Variants in SLC30A3 observed in about 807,000 individuals in gnomAD.
SLC30A3 encodes the protein solute carrier family 30 member 3.
Under a neutral mutation model 35.6 loss-of-function variants are expected in SLC30A3, and 20 were observed. The observed-to-expected ratio is 0.56, with a 90% CI of 0.39 to 0.82. The LOEUF is 0.82. Among genes scored for constraint, SLC30A3 ranks in the 40% least tolerant of loss-of-function variants. SLC30A3 has a pLI of 0.00. For missense variants in SLC30A3, 401 were observed against 530.6 expected, an observed-to-expected ratio of 0.76 and a Z score of 2.40; for synonymous variants, 217 against 224.7, an observed-to-expected ratio of 0.97 and a Z score of 0.31.
rs769416705 is a variant in SLC30A3, at chr2:27,255,509, A to C, written c.1019-49T>G. 1 of 1,596,478 alleles carries C rather than the reference A, an allele frequency of 6.3e-7. No individual in the cohort carries two copies. The highest frequency in any genetic ancestry group is 1.1e-5 in the South Asian group (1 of 88,250). On this transcript the variant is annotated intron_variant, in intron 7 of 7. Coordinates refer to ENST00000233535, the MANE Select transcript of SLC30A3 (RefSeq NM_003459.5). This position sits in a 1 kb window ranked among gnomAD's most constrained non-coding sequence, Gnocchi z 5.2. Reference sequence around the variant, plus strand: ...GCATCCATCCCGGGGGAGAAAGAACAGGCAGGGACTGAGATAAGGACAGGG... The same window carrying C: ...GCATCCATCCCGGGGGAGAAAGAACCGGCAGGGACTGAGATAAGGACAGGG...
intron 1 of SLC30A3, 101 bp from the exon 2 acceptor site, chr2:27,259,035 TC>T: frequency 1.1e-6 from 1 of 931,120 alleles, no homozygotes; most frequent in Non-Finnish European, 1.6e-6. Flanking sequence ...ACCATCTCCT[TC>T]CCCAGGCCTG....
At chr2:27,269,623 G>T (rs1007828658) in intron 1 of SLC30A3, among the ~76,000 whole-genome samples, 27 of 151,938 alleles carry the variant, frequency 1.8e-4, no homozygotes. Context: ...AGAAGCCATG[G>T]GTGTAGACTG....
At chr2:27,274,958 C>G (rs1677937273) in intron 1 of SLC30A3, among the ~76,000 whole-genome samples, 1 of 152,150 alleles carries the variant, frequency 6.6e-6, no homozygotes, top group South Asian at 2.1e-4. Flanking sequence ...GCAAACTCAT[C>G]ATTACGATAT....
chr2:27,263,992 GGGGA>G, upstream of SLC30A3: 2 of 1,274,854 alleles, frequency 1.6e-6, no homozygotes, highest in South Asian at 2.5e-5. Flanking sequence ...CTAAAACCCA[GGGGA>G]GGGAGCGACT....
intron 7 of SLC30A3, 160 bp downstream of exon 7, chr2:27,256,226 A>C: frequency 1.3e-6 from 1 of 759,850 alleles, no homozygotes; most frequent in Non-Finnish European, 2.1e-6. Flanking sequence ...GCGCACGTGC[A>C]TGTGTGTGTG....
At chr2:27,256,579 C>T in intron 6 of SLC30A3, 59 bp from the exon 7 acceptor site, 2 of 1,606,616 alleles carry the variant, frequency 1.2e-6, no homozygotes, top group Admixed American at 3.3e-5. Context: ...GAAGCAGCAC[C>T]CCCACCACTG....
At chr2:27,263,139 C>A, upstream of SLC30A3, 1 of 1,332,732 alleles carries the variant, frequency 7.5e-7, no homozygotes, top group South Asian at 1.8e-5. Flanking sequence ...CCAGGCTCCC[C>A]GGCCTCTCCC....
At chr2:27,261,790 G>C (rs1677198140) in intron 1 of SLC30A3, among the ~76,000 whole-genome samples, 1 of 152,144 alleles carries the variant, frequency 6.6e-6, no homozygotes, top group Non-Finnish European at 1.5e-5. Flanking sequence ...GCCTACGGCA[G>C]AGCCCCCACC....
chr2:27,274,718 TA>T (rs1677925610), intron 1 of SLC30A3, among the ~76,000 whole-genome samples: 1 of 151,558 alleles, frequency 6.6e-6, no homozygotes, highest in Admixed American at 6.6e-5. Context: ...TTCGACCCAA[TA>T]ATTCCACTTC....
At position 27,260,504 on chromosome 2, in the gene SLC30A3, C is replaced by G. The variant is rs1258551434; in HGVS notation, c.96-1570G>C. Among the ~76,000 whole-genome samples the G allele has an allele frequency of 3.3e-5, 5 of 152,146 alleles. No individual in the cohort carries two copies. In the South Asian group the frequency reaches 8.3e-4, roughly 25 times the overall value. On this transcript the variant is annotated intron_variant, in intron 1 of 7. Coordinates refer to ENST00000233535, the MANE Select transcript of SLC30A3 (RefSeq NM_003459.5). Reference sequence around the variant, plus strand: ...ATTCTGGTCCAATTCTCAGCCCCACCACTACCCAACCTGAACCCAGCAAGG... The same window carrying G: ...ATTCTGGTCCAATTCTCAGCCCCACGACTACCCAACCTGAACCCAGCAAGG...
In SLC30A3 at chr2:27,262,520, G is replaced by C. The variant is rs1281679006; in HGVS notation, c.95+292C>G. On this transcript the variant is annotated intron_variant, in intron 1 of 7. Coordinates refer to ENST00000233535, the MANE Select transcript of SLC30A3 (RefSeq NM_003459.5). The surrounding 1 kb of genome is among the most constrained non-coding windows in gnomAD (Gnocchi z 7.5). ...CGACCGAGCGGCAGCTGCTCCCAGG[G>C]AAGGCAGGCGCCGCGGGGGTGGCGG... 6.6e-6 allele frequency among the ~76,000 whole-genome samples: 1 copy of C among 152,114 alleles called. No individual in the cohort carries two copies. The highest frequency in any genetic ancestry group is 2.4e-5 in the African/African-American group (1 of 41,442).
chr2:27,263,266 G>T, upstream of SLC30A3: 1 of 496,432 alleles, frequency 2.0e-6, no homozygotes, highest in Non-Finnish European at 3.8e-6. Flanking sequence ...TCCCCCAGGC[G>T]AGCTAGCCCC....
At position 27,258,419 on chromosome 2, in the gene SLC30A3, C is replaced by T. The variant is rs1383596959; in HGVS notation, c.278-112G>A. ...CACCAAAAATGTGATTTGGGGTTTT[C>T]TCAGGTGATGGGACTACAGGTATAA... On this transcript the variant is annotated intron_variant, in intron 2 of 7. Coordinates refer to ENST00000233535, the MANE Select transcript of SLC30A3 (RefSeq NM_003459.5). The surrounding 1 kb of genome is among the most constrained non-coding windows in gnomAD (Gnocchi z 4.0). 3.4e-5 allele frequency: 37 copies of T among 1,074,302 alleles called. No individual in the cohort carries two copies. Among genetic ancestry groups the T allele is most frequent in the Non-Finnish European group, 4.8e-5 (37 of 768,638 alleles). The allele number at this position is 1,074,302 out of a possible 1,614,324, so 66.5% of individuals were successfully genotyped here.
At chr2:27,266,679 T>C (rs1677508212), upstream of SLC30A3, among the ~76,000 whole-genome samples, 1 of 152,138 alleles carries the variant, frequency 6.6e-6, no homozygotes, top group African/African-American at 2.4e-5. Flanking sequence ...GCAGATCACT[T>C]GAGATCAGGA....
rs1677282515 is a variant in SLC30A3, at chr2:27,262,786, C to G, written c.95+26G>C. The G allele has an allele frequency of 6.6e-7, 1 of 1,519,886 alleles. No homozygotes were observed. Among genetic ancestry groups the G allele is most frequent in the Admixed American group, 2.4e-5 (1 of 42,256 alleles). The allele number at this position is 1,519,886 out of a possible 1,614,324, so 94.1% of individuals were successfully genotyped here. ...GGGTAGTAGGGTGGCGCCCCCGGGC[C>G]GAGGGCCAGCCCAGGTCTGTCCTAC... On this transcript the variant is annotated intron_variant, in intron 1 of 7. Coordinates refer to ENST00000233535, the MANE Select transcript of SLC30A3 (RefSeq NM_003459.5). The surrounding 1 kb of genome is among the most constrained non-coding windows in gnomAD (Gnocchi z 7.5).
intron 1 of SLC30A3, among the ~76,000 whole-genome samples, chr2:27,272,583 A>G (rs1204432861): frequency 6.8e-6 from 1 of 146,890 alleles, no homozygotes; most frequent in Non-Finnish European, 1.5e-5. Context: ...AACCTCCGCC[A>G]CACCCAGCTA....
In SLC30A3 at chr2:27,258,516, G is replaced by T; in HGVS notation, c.278-209C>A. 1 of 660,912 alleles carries T rather than the reference G, an allele frequency of 1.5e-6. No individual in the cohort carries two copies. The highest frequency in any genetic ancestry group is 2.4e-6 in the Non-Finnish European group (1 of 408,266). The allele number at this position is 660,912 out of a possible 1,614,324, so 40.9% of individuals were successfully genotyped here. On this transcript the variant is annotated intron_variant, in intron 2 of 7. Coordinates refer to ENST00000233535, the MANE Select transcript of SLC30A3 (RefSeq NM_003459.5). This position sits in a 1 kb window ranked among gnomAD's most constrained non-coding sequence, Gnocchi z 4.0. Reference sequence around the variant, plus strand: ...CTACAATGATTTATTTTAATAACAAGAAAATAGGGTTTTTAAAAGAAGTCA... The same window carrying T: ...CTACAATGATTTATTTTAATAACAATAAAATAGGGTTTTTAAAAGAAGTCA...
chr2:27,268,293 T>C (rs941353320), intron 1 of SLC30A3, among the ~76,000 whole-genome samples: 15 of 152,238 alleles, frequency 9.9e-5, no homozygotes, highest in African/African-American at 1.9e-4. Context: ...CACTTATCAT[T>C]GTATCCAAGG....
At position 27,262,873 on chromosome 2, in the gene SLC30A3, T is replaced by A. The variant is rs1486581910; in HGVS notation, c.34A>T (p.Thr12Ser). 3.2e-6 allele frequency: 5 copies of A among 1,557,184 alleles called. No individual in the cohort carries two copies. Among genetic ancestry groups the A allele is most frequent in the Admixed American group, 2.0e-5 (1 of 48,882 alleles). The change falls in exon 1 of 8, where the codon ACC becomes TCC. Residue 12 changes from threonine to serine, a missense_variant. This residue lies in a region of SLC30A3 where 103 missense variants were observed against 120.7 expected (regional missense o/e 0.85). Transcript: ENST00000233535. This position sits in a 1 kb window ranked among gnomAD's most constrained non-coding sequence, Gnocchi z 7.5. ...TCCCGGGGGCTCACCAGGCGAGTGG[T>A]CTCCAAGCCCCCAGCGGCTGGAGAG... is the stretch of plus-strand genomic sequence containing the variant. ...EPSPAAGGLE[T>S]TRLVSPRDRG... is the part of the protein sequence containing the mutation.
Sources: allele counts gnomAD v4.1 joint callset (sites outside exome capture counted in the v4.1 genomes callset), GRCh38; gene constraint gnomAD v4.1.1; regional missense constraint gnomAD v4.1.1; non-coding constraint Gnocchi (gnomAD v3.1); transcripts MANE v1.5; gene names NCBI Gene and HGNC (gene_info 2026-07-23, HGNC 2026-07-21).